Variants in GRAMD1B observed in about 807,000 individuals in gnomAD.
GRAMD1B encodes protein Aster-B.
GRAMD1B carries 37 observed loss-of-function variants against 99.7 expected under a neutral mutation model. The observed-to-expected ratio is 0.37, with a 90% confidence interval of 0.29 to 0.49. The LOEUF is 0.49. Among genes scored for constraint, GRAMD1B ranks in the 20% least tolerant of loss-of-function variants. The pLI is 0.98. For synonymous variants in GRAMD1B, 427 were observed against 387.6 expected, an observed-to-expected ratio of 1.10 and a Z score of -1.19; for missense variants, 888 against 1,009.2, an observed-to-expected ratio of 0.88 and a Z score of 1.63.
chr11:123,572,653 A>C (rs557971697), intron 2 of GRAMD1B, among the ~76,000 whole-genome samples: 90 of 152,294 alleles, frequency 5.9e-4, no homozygotes, highest in African/African-American at 2.2e-3. Flanking sequence ...GGAAGTGTAG[A>C]TGTCCATCAG....
intron 7 of GRAMD1B, chr11:123,599,073 G>A (rs1592209675): frequency 1.0e-5 from 10 of 978,658 alleles, no homozygotes; most frequent in East Asian, 7.1e-5. Flanking sequence ...GAACTCCACC[G>A]AGTTTTGTGC....
chr11:123,511,072 A>ACT (rs35053436), intron 2 of GRAMD1B, among the ~76,000 whole-genome samples: 22,757 of 146,088 alleles, frequency 0.16, 1,985 homozygotes, highest in East Asian at 0.48. Context: ...CCTCTTTTTC[A>ACT]CTCTCTCTCT....
chr11:123,468,915 T>C (rs1202594534), intron 1 of GRAMD1B, among the ~76,000 whole-genome samples: 1 of 151,858 alleles, frequency 6.6e-6, no homozygotes, highest in Non-Finnish European at 1.5e-5. Flanking sequence ...GTGTGTCTAC[T>C]CATCTCTCCA....
intron 2 of GRAMD1B, among the ~76,000 whole-genome samples, chr11:123,570,051 A>G (rs182862224): frequency 3.1e-4 from 48 of 152,384 alleles, no homozygotes; most frequent in Admixed American, 1.5e-3. Context: ...GACACTGCAC[A>G]GCTGTTATAC....
intron 1 of GRAMD1B, among the ~76,000 whole-genome samples, chr11:123,385,011 C>G (rs968488468): frequency 6.6e-6 from 1 of 152,194 alleles, no homozygotes; most frequent in South Asian, 2.1e-4. Flanking sequence ...CTTATGTTTC[C>G]AGTAGTTCAG....
upstream of GRAMD1B, among the ~76,000 whole-genome samples, chr11:123,427,035 T>C (rs188387838): frequency 5.9e-5 from 9 of 152,268 alleles, no homozygotes; most frequent in East Asian, 1.4e-3. Flanking sequence ...GTTGTTCTGG[T>C]TACCACCTGT....
intron 1 of GRAMD1B, among the ~76,000 whole-genome samples, chr11:123,472,079 C>T (rs1305351009): frequency 6.6e-6 from 1 of 151,900 alleles, no homozygotes; most frequent in Non-Finnish European, 1.5e-5. Context: ...ACAAGCCTGG[C>T]CAACATAGCC....
At position 123,452,586 on chromosome 11, in the gene GRAMD1B, C is replaced by T. The variant is rs111371580; in HGVS notation, c.374+21420C>T. On this transcript the variant is annotated intron_variant, in intron 1 of 19. Transcript: ENST00000635736. ...GCTTGAACCTGGGAGGTGGAGGTTG[C>T]GGTGAGCCAAGATGGTGCCACTGCA... Among the ~76,000 whole-genome samples the T allele has an allele frequency of 1.0e-2, 1,518 of 151,922 alleles. 25 individuals are homozygous for T. The highest frequency in any genetic ancestry group is 0.034 in the African/African-American group (1,393 of 41,410).
intron 1 of GRAMD1B, among the ~76,000 whole-genome samples, chr11:123,448,451 C>T (rs1281309875): frequency 1.3e-5 from 2 of 152,220 alleles, no homozygotes; most frequent in African/African-American, 4.8e-5. Context: ...TACGCTTGGT[C>T]TCAAGCAATT....
intron 9 of GRAMD1B, 68 bp downstream of exon 9, chr11:123,603,609 C>T (rs965881948): frequency 2.9e-5 from 25 of 856,494 alleles, no homozygotes; most frequent in Non-Finnish European, 1.2e-5. Flanking sequence ...ACCTGCCAGG[C>T]AGAGGGAACA....
chr11:123,529,637 T>C (rs1007657996), intron 2 of GRAMD1B, among the ~76,000 whole-genome samples: 1 of 152,158 alleles, frequency 6.6e-6, no homozygotes, highest in African/African-American at 2.4e-5. Flanking sequence ...GTGGGGCATG[T>C]AGTGATTTGG....
intron 6 of GRAMD1B, among the ~76,000 whole-genome samples, chr11:123,595,442 C>T (rs530383582): frequency 1.4e-4 from 21 of 152,128 alleles, no homozygotes; most frequent in Admixed American, 5.9e-4. Flanking sequence ...TACAGGCATG[C>T]GCCACCACGC....
chr11:123,417,891 G>C (rs563503869), intron 1 of GRAMD1B, among the ~76,000 whole-genome samples: 1 of 152,134 alleles, frequency 6.6e-6, no homozygotes, highest in Non-Finnish European at 1.5e-5. Flanking sequence ...GCAACCTGTA[G>C]CTGTGGCTAC....
chr11:123,623,345 C>T lies in GRAMD1B; in HGVS notation c.*750C>T, dbSNP rs1955323001. ...CCACCCGCTTTCTCTCTGGTCTTCT[C>T]CCAGGCTGGATCTGGGCGAAGTGTC... On this transcript the variant is annotated 3_prime_UTR_variant, in exon 20 of 20. Transcript: ENST00000635736. 6.6e-6 allele frequency: 1 copy of T among 152,268 alleles called. No individual in the cohort carries two copies. The highest frequency in any genetic ancestry group is 1.5e-5 in the Non-Finnish European group (1 of 68,074). 9.4% of individuals were successfully genotyped at this position (152,268 alleles called of 1,614,324 possible).
chr11:123,590,518 G>C (rs1950540163), intron 4 of GRAMD1B, among the ~76,000 whole-genome samples: 1 of 152,188 alleles, frequency 6.6e-6, no homozygotes, highest in Non-Finnish European at 1.5e-5. Flanking sequence ...GGAGGACATT[G>C]GCCGGGACCA....
intron 2 of GRAMD1B, among the ~76,000 whole-genome samples, chr11:123,529,415 G>T (rs7129805): frequency 0.02 from 3,016 of 152,282 alleles, 84 homozygotes; most frequent in African/African-American, 0.068. Context: ...CGTGACATAT[G>T]TCTATGACTG....
At chr11:123,484,324 T>C (rs1360836376) in intron 2 of GRAMD1B, among the ~76,000 whole-genome samples, 1 of 152,182 alleles carries the variant, frequency 6.6e-6, no homozygotes, top group Non-Finnish European at 1.5e-5. Flanking sequence ...TAATACATTT[T>C]CCCCAAGGAC....
At chr11:123,415,287 G>A (rs1395345199) in intron 1 of GRAMD1B, among the ~76,000 whole-genome samples, 3 of 151,716 alleles carry the variant, frequency 2.0e-5, no homozygotes, top group Non-Finnish European at 4.4e-5. Flanking sequence ...ATTTTCAGTA[G>A]AGACAGGGTT....
intron 11 of GRAMD1B, chr11:123,607,992 A>G (rs1371875673): frequency 6.5e-6 from 1 of 154,246 alleles, no homozygotes; most frequent in African/African-American, 2.4e-5. Context: ...AGGAAGCTCC[A>G]TTTTTGGAGC....
Sources: allele counts gnomAD v4.1 joint callset (sites outside exome capture counted in the v4.1 genomes callset), GRCh38; gene constraint gnomAD v4.1.1; transcripts MANE v1.5; gene names NCBI Gene and HGNC (gene_info 2026-07-23, HGNC 2026-07-21).